The following MACROD2 variants were observed in gnomAD, a reference collection of about 807,000 sequenced individuals.
MACROD2 encodes mono-ADP ribosylhydrolase 2.
In MACROD2, 36 loss-of-function variants were observed where a neutral mutation model predicts 70.4. That is an observed-to-expected ratio of 0.51 (90% confidence interval 0.39 to 0.68). The LOEUF (loss-of-function observed/expected upper bound fraction) is 0.68, where lower values mean the gene tolerates loss of function less well. Among genes scored for constraint, MACROD2 ranks in the 30% least tolerant of loss-of-function variants. The probability of loss-of-function intolerance (pLI) is 0.00; values close to 1 mark genes in which losing one functional copy is unlikely to be tolerated. For missense variants in MACROD2, 496 were observed against 538.4 expected (o/e 0.92, Z 0.78); for synonymous variants, 172 against 178.8 (o/e 0.96, Z 0.30).
At chr20:15,674,905 T>C (rs2050035713) in intron 8 of MACROD2, among the ~76,000 whole-genome samples, 1 of 152,194 alleles carries the variant, frequency 6.6e-6, no homozygotes, top group Admixed American at 6.5e-5. Context: ...TCTCCATTAC[T>C]TTTAGTTTTA....
At chr20:14,057,795 A>C (rs2053647763) in intron 2 of MACROD2, among the ~76,000 whole-genome samples, 1 of 152,220 alleles carries the variant, frequency 6.6e-6, no homozygotes, top group African/African-American at 2.4e-5. Context: ...ATGGGTAAAC[A>C]GATTATGGTA....
At chr20:14,964,725 T>C (rs1034462676) in intron 5 of MACROD2, among the ~76,000 whole-genome samples, 5 of 152,310 alleles carry the variant, frequency 3.3e-5, no homozygotes, top group African/African-American at 1.2e-4. Context: ...GTTCATATTG[T>C]TTTTAACTTG....
chr20:14,154,574 T>G (rs1242750189), intron 3 of MACROD2, among the ~76,000 whole-genome samples: 98 of 87,404 alleles, frequency 1.1e-3, no homozygotes, highest in South Asian at 2.5e-3. Flanking sequence ...TTTTTTTTTT[T>G]TTTTTTTTTT....
At chr20:14,841,695 A>C (rs563006932) in intron 5 of MACROD2, among the ~76,000 whole-genome samples, 8 of 152,262 alleles carry the variant, frequency 5.3e-5, no homozygotes, top group African/African-American at 1.9e-4. Flanking sequence ...GTTGTAAATG[A>C]AAGTTAAAAT....
intron 5 of MACROD2, among the ~76,000 whole-genome samples, chr20:14,969,161 T>TTATATATATATATATATATA (rs150798380): frequency 6.8e-6 from 1 of 147,664 alleles, no homozygotes; most frequent in African/African-American, 2.5e-5. Context: ...TATCTCCAGT[T>TTATATATATATATATATATA]TATATATATA....
At chr20:14,636,072 T>C (rs935486840) in intron 4 of MACROD2, among the ~76,000 whole-genome samples, 2 of 152,164 alleles carry the variant, frequency 1.3e-5, no homozygotes, top group Non-Finnish European at 2.9e-5. Flanking sequence ...TCAAGGTTTA[T>C]TTATCTTCAT....
chr20:15,594,806 A>G (rs1371133988), intron 8 of MACROD2, among the ~76,000 whole-genome samples: 1 of 152,240 alleles, frequency 6.6e-6, no homozygotes, highest in Non-Finnish European at 1.5e-5. Context: ...TTTTAAGTTT[A>G]TAATTTTACT....
At chr20:14,408,088 T>C (rs1382012325) in intron 3 of MACROD2, among the ~76,000 whole-genome samples, 2 of 152,202 alleles carry the variant, frequency 1.3e-5, no homozygotes, top group Non-Finnish European at 2.9e-5. Flanking sequence ...GTATTGTATC[T>C]ATAAAATGGG....
chr20:15,686,096 G>A (rs2050221194), intron 8 of MACROD2, among the ~76,000 whole-genome samples: 1 of 152,224 alleles, frequency 6.6e-6, no homozygotes, highest in African/African-American at 2.4e-5. Flanking sequence ...GAAATGATGA[G>A]TTGGCCCAAA....
chr20:14,988,900 A>G (rs2074874673), intron 5 of MACROD2, among the ~76,000 whole-genome samples: 1 of 152,150 alleles, frequency 6.6e-6, no homozygotes, highest in African/African-American at 2.4e-5. Flanking sequence ...ATTATTGTTT[A>G]ATATTTAAAT....
chr20:15,895,675 T>G (rs2147230316), intron 10 of MACROD2, among the ~76,000 whole-genome samples: 1 of 152,270 alleles, frequency 6.6e-6, no homozygotes, highest in East Asian at 1.9e-4. Flanking sequence ...CCACAGCCGC[T>G]TATAAAAAAC....
intron 8 of MACROD2, among the ~76,000 whole-genome samples, chr20:15,706,134 A>G (rs909267365): frequency 1.3e-5 from 2 of 152,264 alleles, no homozygotes; most frequent in South Asian, 2.1e-4. Flanking sequence ...GCTCAGAGGA[A>G]ATAAGGATAC....
intron 4 of MACROD2, among the ~76,000 whole-genome samples, chr20:14,598,280 A>G (rs1234796984): frequency 6.6e-6 from 1 of 152,152 alleles, no homozygotes; most frequent in Non-Finnish European, 1.5e-5. Flanking sequence ...ATGTAAAACA[A>G]AAGTTTTATC....
chr20:14,739,766 A>G (rs2071711214), intron 5 of MACROD2, among the ~76,000 whole-genome samples: 1 of 152,128 alleles, frequency 6.6e-6, no homozygotes, highest in Non-Finnish European at 1.5e-5. Flanking sequence ...TTTTACATTG[A>G]CTGAATATTG....
chr20:14,274,016 C>CG (rs1282436842), intron 3 of MACROD2, among the ~76,000 whole-genome samples: 1 of 151,922 alleles, frequency 6.6e-6, no homozygotes, highest in Non-Finnish European at 1.5e-5. Flanking sequence ...GCTTACCAAC[C>CG]AAAAAGAGTC....
chr20:15,101,845 G>T (rs931691029), intron 5 of MACROD2, among the ~76,000 whole-genome samples: 7 of 151,872 alleles, frequency 4.6e-5, no homozygotes, highest in Non-Finnish European at 1.0e-4. Context: ...TTAATATGAG[G>T]TTTATTAGTC....
chr20:15,796,514 T>G (rs1600904649), intron 8 of MACROD2, among the ~76,000 whole-genome samples: 1 of 152,242 alleles, frequency 6.6e-6, no homozygotes, highest in South Asian at 2.1e-4. Flanking sequence ...TTAGCTGTGA[T>G]TGAATGTGCA....
intron 8 of MACROD2, among the ~76,000 whole-genome samples, chr20:15,784,092 T>A (rs1568559162): frequency 6.6e-6 from 1 of 152,150 alleles, no homozygotes; most frequent in Non-Finnish European, 1.5e-5. Flanking sequence ...TAGTCTCAAA[T>A]GTCGAATCTG....
At chr20:14,014,774 A>G (rs1031125342) in intron 2 of MACROD2, among the ~76,000 whole-genome samples, 7 of 151,600 alleles carry the variant, frequency 4.6e-5, no homozygotes, top group African/African-American at 1.7e-4. Flanking sequence ...TTCTTGATTA[A>G]TCTTTACTTG....
Sources: gnomAD v4.1 joint callset for allele counts (sites outside exome capture counted in the v4.1 genomes callset) on GRCh38, gnomAD v4.1.1 for gene constraint, MANE v1.5 for transcripts, NCBI Gene and HGNC (gene_info 2026-07-23, HGNC 2026-07-21) for gene names.